Variants in IGF2BP3 observed in about 807,000 individuals in gnomAD.
IGF2BP3 encodes the protein insulin like growth factor 2 mRNA binding protein 3, also known as insulin-like growth factor 2 mRNA-binding protein 3.
IGF2BP3 carries 9 observed loss-of-function variants against 73.8 expected under a neutral mutation model. The observed-to-expected ratio is 0.12, with a 90% CI of 0.07 to 0.21. IGF2BP3 has a LOEUF of 0.21. Ranked by LOEUF, IGF2BP3 falls within the 10% of genes least tolerant of loss-of-function variation. The probability of loss-of-function intolerance (pLI) is 1.00; values close to 1 mark genes in which losing one functional copy is unlikely to be tolerated. For synonymous variants in IGF2BP3, 258 were observed against 256.7 expected, an observed-to-expected ratio of 1.01 and a Z score of -0.05; for missense variants, 542 against 714.0, an observed-to-expected ratio of 0.76 and a Z score of 2.75.
intron 3 of IGF2BP3, among the ~76,000 whole-genome samples, chr7:23,364,074 A>G (rs1043035718): frequency 6.6e-6 from 1 of 152,002 alleles, no homozygotes; most frequent in Non-Finnish European, 1.5e-5. Flanking sequence ...CCTTGTCTCT[A>G]TTAAAAATAC....
chr7:23,404,622 C>G (rs1479440638), intron 3 of IGF2BP3, among the ~76,000 whole-genome samples: 1 of 152,156 alleles, frequency 6.6e-6, no homozygotes, highest in Non-Finnish European at 1.5e-5. Context: ...CAATAGACAT[C>G]TAGGCAAGAT....
chr7:23,331,191 T>TAC (rs1784435896), intron 10 of IGF2BP3, among the ~76,000 whole-genome samples: 1 of 152,226 alleles, frequency 6.6e-6, no homozygotes, highest in Non-Finnish European at 1.5e-5. Context: ...ATACATGTAC[T>TAC]ACCATGATGA....
At chr7:23,341,854 G>C (rs564572419) in intron 10 of IGF2BP3, among the ~76,000 whole-genome samples, 30 of 152,186 alleles carry the variant, frequency 2.0e-4, no homozygotes, top group African/African-American at 6.7e-4. Flanking sequence ...CCAAACTTTT[G>C]TTGTGATATT....
At chr7:23,362,867 C>T (rs1375554173) in intron 3 of IGF2BP3, among the ~76,000 whole-genome samples, 1 of 151,984 alleles carries the variant, frequency 6.6e-6, no homozygotes, top group Non-Finnish European at 1.5e-5. Context: ...GATCTTCTCA[C>T]CTCAGCCATC....
At chr7:23,327,482 C>A (rs994446198) in intron 10 of IGF2BP3, among the ~76,000 whole-genome samples, 1 of 151,892 alleles carries the variant, frequency 6.6e-6, no homozygotes, top group Non-Finnish European at 1.5e-5. Context: ...GGGGTTTCAC[C>A]GTGTTAGCCA....
chr7:23,364,236 C>T lies in IGF2BP3; in HGVS notation c.286-2495G>A, dbSNP rs558374851. ...TAAAAATAGAAAAATTAGTTGGGCA[C>T]GGTGGTGCGCGCTTGTAGTCCCAGC... On this transcript the variant is annotated intron_variant, in intron 3 of 14. Transcript: ENST00000258729. Among the ~76,000 whole-genome samples the T allele has an allele frequency of 3.3e-5, 5 of 151,766 alleles. No homozygotes were observed. In the East Asian group the frequency reaches 5.8e-4, roughly 18 times the overall value.
intron 2 of IGF2BP3, among the ~76,000 whole-genome samples, chr7:23,453,260 AAAGG>A (rs1439575346): frequency 2.0e-5 from 3 of 152,228 alleles, no homozygotes; most frequent in Non-Finnish European, 2.9e-5. Flanking sequence ...CAAGAAGAAA[AAAGG>A]AAGGACTCTC....
intron 3 of IGF2BP3, among the ~76,000 whole-genome samples, chr7:23,381,341 C>G (rs1250286448): frequency 6.6e-6 from 1 of 152,150 alleles, no homozygotes; most frequent in African/African-American, 2.4e-5. Flanking sequence ...GGATGTGAAC[C>G]CACACTACGT....
At chr7:23,363,914 A>G (rs1785297659) in intron 3 of IGF2BP3, among the ~76,000 whole-genome samples, 1 of 152,234 alleles carries the variant, frequency 6.6e-6, no homozygotes, top group Non-Finnish European at 1.5e-5. Flanking sequence ...CCATTCAAAG[A>G]TAAAATATAC....
chr7:23,410,180 T>TA (rs1177273702), intron 3 of IGF2BP3, among the ~76,000 whole-genome samples: 1 of 151,326 alleles, frequency 6.6e-6, no homozygotes, highest in Non-Finnish European at 1.5e-5. Context: ...AAATTTTTTT[T>TA]AAAAATAAAG....
At chr7:23,341,038 T>C (rs1207607852) in intron 10 of IGF2BP3, among the ~76,000 whole-genome samples, 1 of 151,836 alleles carries the variant, frequency 6.6e-6, no homozygotes, top group East Asian at 1.9e-4. Flanking sequence ...TTAGTAGAGA[T>C]GGGGTTTCAC....
At chr7:23,397,829 C>T (rs557792635) in intron 3 of IGF2BP3, among the ~76,000 whole-genome samples, 36 of 152,146 alleles carry the variant, frequency 2.4e-4, no homozygotes, top group African/African-American at 7.2e-4. Context: ...TTAAAAACTG[C>T]GAGTGTTACC....
intron 8 of IGF2BP3, 144 bp downstream of exon 8, chr7:23,345,796 G>T: frequency 2.2e-6 from 2 of 927,172 alleles, no homozygotes; most frequent in Non-Finnish European, 1.6e-6. Flanking sequence ...CTAACAGGCA[G>T]CAAGCTGTAT....
chr7:23,399,368 ACCCTAAAAC>A (rs1168422882), intron 3 of IGF2BP3, among the ~76,000 whole-genome samples: 1 of 151,524 alleles, frequency 6.6e-6, no homozygotes, highest in African/African-American at 2.4e-5. Context: ...GTGCACATGT[ACCCTAAAAC>A]TTAAAGTATA....
intron 5 of IGF2BP3, among the ~76,000 whole-genome samples, chr7:23,352,265 TTC>T (rs1363219291): frequency 6.7e-6 from 1 of 150,344 alleles, no homozygotes; most frequent in Non-Finnish European, 1.5e-5. Context: ...GGGGGAGAGT[TTC>T]TCTCTTTTTC....
intron 10 of IGF2BP3, among the ~76,000 whole-genome samples, chr7:23,329,033 C>G (rs1340718976): frequency 2.0e-5 from 3 of 152,036 alleles, no homozygotes; most frequent in African/African-American, 7.2e-5. Flanking sequence ...CACCGTGAAA[C>G]CCCGTCTCTG....
intron 3 of IGF2BP3, among the ~76,000 whole-genome samples, chr7:23,378,423 C>T (rs555668472): frequency 2.8e-4 from 23 of 82,786 alleles, no homozygotes; most frequent in African/African-American, 2.6e-3. Context: ...GACAGAGTCT[C>T]GCTCTGTCTC....
intron 3 of IGF2BP3, among the ~76,000 whole-genome samples, chr7:23,394,271 G>C (rs1418346654): frequency 6.6e-6 from 1 of 152,094 alleles, no homozygotes; most frequent in African/African-American, 2.4e-5. Flanking sequence ...GTTGGAGACC[G>C]GCCTGAACAA....
At chr7:23,391,232 T>G (rs1411332964) in intron 3 of IGF2BP3, among the ~76,000 whole-genome samples, 1 of 151,924 alleles carries the variant, frequency 6.6e-6, no homozygotes, top group South Asian at 2.1e-4. Context: ...CCTGAGTAGC[T>G]GGGATTACAG....
Sources: allele counts gnomAD v4.1 joint callset (sites outside exome capture counted in the v4.1 genomes callset), GRCh38; gene constraint gnomAD v4.1.1; transcripts MANE v1.5; gene names NCBI Gene and HGNC (gene_info 2026-07-23, HGNC 2026-07-21).